Variants in VPS13B observed in about 807,000 individuals in gnomAD.
VPS13B encodes the protein intermembrane lipid transfer protein VPS13B.
VPS13B carries 285 observed loss-of-function variants against 426.4 expected under a neutral mutation model. The observed-to-expected ratio is 0.67, with a 90% confidence interval of 0.61 to 0.74. The LOEUF is 0.74. VPS13B is among the 30% of genes least tolerant of loss of function. VPS13B has a pLI of 0.00. For synonymous variants in VPS13B, 1,676 were observed against 1,676.4 expected (o/e 1.00, Z 0.01); for missense variants, 4,537 against 4,782.6 (o/e 0.95, Z 1.51).
rs1813692053 is a variant in VPS13B, at chr8:99,193,050, A to G, written c.2508A>G (p.Leu836=). The G allele has an allele frequency of 1.9e-6, 3 of 1,613,418 alleles. No individual in the cohort carries two copies. Among genetic ancestry groups the G allele is most frequent in the African/African-American group, 2.7e-5 (2 of 75,038 alleles). Reference sequence around the variant, plus strand: ...AAGCTTTGATAAATGAAATCTTCCTAAGTATAGGTAAGAGCACAGTCTTTT... The same window carrying G: ...AAGCTTTGATAAATGAAATCTTCCTGAGTATAGGTAAGAGCACAGTCTTTT... The part of the protein sequence containing the change: ...VIEALINEIF[L]SIGVKSKNPL... The change falls in exon 17 of 62, where the codon CTA becomes CTG. Residue 836 remains leucine, a synonymous_variant. Coordinates refer to ENST00000357162, the MANE Select transcript of VPS13B (RefSeq NM_152564.5).
chr8:99,646,074 T>C (rs544219532), intron 34 of VPS13B, among the ~76,000 whole-genome samples: 21 of 152,306 alleles, frequency 1.4e-4, no homozygotes, highest in African/African-American at 4.8e-4. Context: ...TTGCAGTGTC[T>C]TTAAATTGGA....
chr8:99,228,526 C>CTA (rs1816143009), intron 17 of VPS13B, among the ~76,000 whole-genome samples: 1 of 152,060 alleles, frequency 6.6e-6, no homozygotes, highest in Non-Finnish European at 1.5e-5. Flanking sequence ...AAGAAAAATA[C>CTA]AGTTATTTTA....
chr8:99,171,442 G>A (rs1267250289), intron 16 of VPS13B, among the ~76,000 whole-genome samples: 1 of 151,786 alleles, frequency 6.6e-6, no homozygotes, highest in Non-Finnish European at 1.5e-5. Context: ...TGCAAACAGT[G>A]CAATTTACTA....
chr8:99,356,208 A>G (rs1219071546), intron 19 of VPS13B, among the ~76,000 whole-genome samples: 2 of 152,170 alleles, frequency 1.3e-5, no homozygotes, highest in African/African-American at 4.8e-5. Context: ...TACCTTTGTG[A>G]CTATGTTTCT....
chr8:99,608,224 C>A (rs1218657260), intron 33 of VPS13B, among the ~76,000 whole-genome samples: 1 of 150,088 alleles, frequency 6.7e-6, no homozygotes, highest in Non-Finnish European at 1.5e-5. Context: ...TCGTGGCTCA[C>A]TGTAACTTCG....
In VPS13B at chr8:99,870,770, C is replaced by G; in HGVS notation, c.11393-15C>G. On this transcript the variant is annotated splice_polypyrimidine_tract_variant and intron_variant, in intron 59 of 61. Coordinates refer to ENST00000357162, the MANE Select transcript of VPS13B (RefSeq NM_152564.5). ...GAAAACAAGTAGTAAAACTCCCTTA[C>G]TTCTCTTACCACAGGTATTTTACAT... is the stretch of plus-strand genomic sequence containing the variant. 6.2e-7 allele frequency: 1 copy of G among 1,613,254 alleles called. No individual in the cohort carries two copies. Among genetic ancestry groups the G allele is most frequent in the East Asian group, 2.2e-5 (1 of 44,888 alleles).
At chr8:99,178,913 C>T (rs566189314) in intron 16 of VPS13B, among the ~76,000 whole-genome samples, 12 of 152,200 alleles carry the variant, frequency 7.9e-5, no homozygotes, top group African/African-American at 1.7e-4. Context: ...TGAGCCACTG[C>T]GCCCGCCCTA....
At position 99,154,697 on chromosome 8, in the gene VPS13B, C is replaced by T. The variant is rs541529878; in HGVS notation, c.2014-1852C>T. Among the ~76,000 whole-genome samples, 3 of 152,234 alleles carry T rather than the reference C, an allele frequency of 2.0e-5. No homozygotes were observed. In the South Asian group the frequency reaches 6.2e-4, roughly 32 times the overall value. On this transcript the variant is annotated intron_variant, in intron 14 of 61. Transcript: ENST00000357162. ...AGCACCTGGGGCCTTCCTTTGAGAC[C>T]TTATAAGGGCCACACCCTAGGAATA...
chr8:99,111,347 T>C (rs1414818007), intron 6 of VPS13B, 68 bp downstream of exon 6: 2 of 1,277,378 alleles, frequency 1.6e-6, no homozygotes, highest in African/African-American at 3.0e-5. Flanking sequence ...TTGTGGATGC[T>C]AATCATTATT....
At chr8:99,793,701 G>A (rs1252363743) in intron 43 of VPS13B, among the ~76,000 whole-genome samples, 1 of 152,264 alleles carries the variant, frequency 6.6e-6, no homozygotes, top group East Asian at 1.9e-4. Flanking sequence ...GAATGGGGCA[G>A]GGTGTAAGAG....
At chr8:99,330,528 T>C (rs986388639) in intron 19 of VPS13B, among the ~76,000 whole-genome samples, 2 of 151,896 alleles carry the variant, frequency 1.3e-5, no homozygotes, top group Admixed American at 6.6e-5. Flanking sequence ...GTTATCTTCC[T>C]GTCTTCCCTC....
intron 19 of VPS13B, among the ~76,000 whole-genome samples, chr8:99,335,244 CTCTTT>C (rs1316296136): frequency 9.2e-5 from 14 of 151,988 alleles, no homozygotes; most frequent in Admixed American, 4.6e-4. Context: ...TGATTCTTCT[CTCTTT>C]TCTTCTTTAT....
At chr8:99,401,349 G>A (rs1048087547) in intron 21 of VPS13B, among the ~76,000 whole-genome samples, 7 of 152,154 alleles carry the variant, frequency 4.6e-5, no homozygotes, top group Non-Finnish European at 1.0e-4. Flanking sequence ...TACAGGTTAT[G>A]AGTATTAATT....
At chr8:99,106,982 G>A (rs899785906) in intron 5 of VPS13B, among the ~76,000 whole-genome samples, 6 of 152,048 alleles carry the variant, frequency 3.9e-5, no homozygotes, top group Admixed American at 2.6e-4. Context: ...ATGCTATAGC[G>A]AACATTTTCA....
intron 19 of VPS13B, among the ~76,000 whole-genome samples, chr8:99,348,555 C>T (rs1291045285): frequency 6.6e-6 from 1 of 152,132 alleles, no homozygotes; most frequent in African/African-American, 2.4e-5. Context: ...CCTGTGGAAC[C>T]ATTTAAAACA....
intron 33 of VPS13B, among the ~76,000 whole-genome samples, chr8:99,633,026 C>T (rs1828911373): frequency 6.6e-6 from 1 of 151,864 alleles, no homozygotes; most frequent in Non-Finnish European, 1.5e-5. Flanking sequence ...CAATGAAAAC[C>T]AGCTACTGGA....
intron 21 of VPS13B, among the ~76,000 whole-genome samples, chr8:99,405,999 C>T (rs1815307332): frequency 2.0e-5 from 3 of 151,994 alleles, no homozygotes; most frequent in African/African-American, 7.2e-5. Context: ...AGGCTGGTAT[C>T]GAACTCCTGA....
intron 39 of VPS13B, among the ~76,000 whole-genome samples, chr8:99,754,106 G>A (rs1480899560): frequency 2.1e-5 from 2 of 95,032 alleles, no homozygotes; most frequent in Non-Finnish European, 4.3e-5. Context: ...TTTTTTTTTG[G>A]TATGACTTCT....
chr8:99,322,576 G>A lies in VPS13B; in HGVS notation c.2824+47322G>A, dbSNP rs533252861. 1.9e-4 allele frequency among the ~76,000 whole-genome samples: 29 copies of A among 152,286 alleles called. No individual in the cohort carries two copies. The East Asian group carries it at 4.4e-3, about 23-fold the overall frequency. On this transcript the variant is annotated intron_variant, in intron 19 of 61. Coordinates refer to ENST00000357162, the MANE Select transcript of VPS13B (RefSeq NM_152564.5). Reference sequence around the variant, plus strand: ...TTATTTTGCCTATAAGATTGACAGCGTGACTGCTCTTTAAATGTTGAATTG... The same window carrying A: ...TTATTTTGCCTATAAGATTGACAGCATGACTGCTCTTTAAATGTTGAATTG...
Sources: allele counts gnomAD v4.1 joint callset (sites outside exome capture counted in the v4.1 genomes callset), GRCh38; gene constraint gnomAD v4.1.1; transcripts MANE v1.5; gene names NCBI Gene and HGNC (gene_info 2026-07-23, HGNC 2026-07-21).